PLCH1: variants seen among roughly 807,000 people sequenced by gnomAD.
PLCH1 encodes the protein 1-phosphatidylinositol 4,5-bisphosphate phosphodiesterase eta-1.
In PLCH1, 60 loss-of-function variants were observed where a neutral mutation model predicts 126.7. That is an observed-to-expected ratio of 0.47 (90% CI 0.38 to 0.59). The LOEUF (loss-of-function observed/expected upper bound fraction) is 0.59, where lower values mean the gene tolerates loss of function less well. PLCH1 is among the 20% of genes least tolerant of loss of function. PLCH1 has a pLI of 0.00. For missense variants in PLCH1, 1,723 were observed against 2,040.0 expected, an observed-to-expected ratio of 0.84 and a Z score of 2.99; for synonymous variants, 719 against 734.9, an observed-to-expected ratio of 0.98 and a Z score of 0.35.
rs569220694 is a variant in PLCH1 at position 155,641,780 on chromosome 3, T to G, written c.80-45402A>C. On this transcript the variant is annotated intron_variant, in intron 2 of 22. Coordinates refer to ENST00000460012, the MANE Select transcript of PLCH1 (RefSeq NM_014996.4). ...TTTTAAACTTTTTAAAATCTCAAGT[T>G]TAGGGCACCTGGATCCTATCAATTG... Among the ~76,000 whole-genome samples, 4 of 152,142 alleles carry G rather than the reference T, an allele frequency of 2.6e-5. No homozygotes were observed. In the East Asian group the frequency reaches 7.7e-4, roughly 29 times the overall value.
At chr3:155,689,541 G>A (rs1745211183) in intron 2 of PLCH1, among the ~76,000 whole-genome samples, 1 of 152,044 alleles carries the variant, frequency 6.6e-6, no homozygotes, top group Non-Finnish European at 1.5e-5. Flanking sequence ...AGATAACACA[G>A]AGAAGGAACT....
intron 1 of PLCH1, among the ~76,000 whole-genome samples, chr3:155,720,718 T>C (rs562019041): frequency 7.9e-5 from 12 of 152,218 alleles, no homozygotes; most frequent in Non-Finnish European, 1.8e-4. Context: ...AGAAGCTTTT[T>C]AGTTTAATTA....
intron 2 of PLCH1, among the ~76,000 whole-genome samples, chr3:155,684,304 G>A (rs886836923): frequency 3.9e-5 from 6 of 152,162 alleles, no homozygotes; most frequent in African/African-American, 1.2e-4. Context: ...GATGATTCTA[G>A]ATTATTGAAC....
Position 155,580,606 on chromosome 3 carries a change from C to T in PLCH1, c.771+2866G>A, listed in dbSNP as rs190322525. 1.5e-3 allele frequency among the ~76,000 whole-genome samples: 225 copies of T among 152,156 alleles called. 4 individuals are homozygous for T. Among genetic ancestry groups the T allele is most frequent in the Admixed American group, 0.012 (183 of 15,292 alleles). On this transcript the variant is annotated intron_variant, in intron 6 of 22. Transcript: ENST00000460012. ...AGAATTGACTCTCAAATGAAAATCACTTCACAAATTCAATTTAATTCAAAT... is the reference window on the plus strand; with the variant it reads ...AGAATTGACTCTCAAATGAAAATCATTTCACAAATTCAATTTAATTCAAAT...
chr3:155,693,236 C>T (rs1228910113), intron 2 of PLCH1, among the ~76,000 whole-genome samples: 2 of 31,312 alleles, frequency 6.4e-5, no homozygotes, highest in Non-Finnish European at 9.4e-5. Flanking sequence ...GAGGCCGAGG[C>T]GGGTGGATCA....
rs186058162 is a variant in PLCH1 at position 155,600,018 on chromosome 3, C to T, written c.80-3640G>A. Reference sequence around the variant, plus strand: ...GCTTCTTAAATTGTTTATGTAGCTGCTTTATGCTTTCTACCTGATTGCTCC... The same window carrying T: ...GCTTCTTAAATTGTTTATGTAGCTGTTTTATGCTTTCTACCTGATTGCTCC... On this transcript the variant is annotated intron_variant, in intron 2 of 22. Transcript: ENST00000460012. Among the ~76,000 whole-genome samples, 12 of 152,276 alleles carry T rather than the reference C, an allele frequency of 7.9e-5. No homozygotes were observed. The East Asian group carries it at 2.3e-3, about 29-fold the overall frequency.
At chr3:155,493,237 A>C (rs1716523414) in intron 17 of PLCH1, among the ~76,000 whole-genome samples, 2 of 152,244 alleles carry the variant, frequency 1.3e-5, no homozygotes, top group Non-Finnish European at 2.9e-5. Context: ...CAGAGCAAGA[A>C]AATGTGCAAA....
downstream of PLCH1, among the ~76,000 whole-genome samples, chr3:155,477,238 AC>A: frequency 6.6e-6 from 1 of 152,310 alleles, no homozygotes; most frequent in Non-Finnish European, 1.5e-5. Context: ...CTCGCCATAT[AC>A]AAAAATCAAA....
At chr3:155,738,702 G>C (rs1438432176) in intron 1 of PLCH1, among the ~76,000 whole-genome samples, 1 of 151,330 alleles carries the variant, frequency 6.6e-6, no homozygotes, top group African/African-American at 2.4e-5. Flanking sequence ...CAGGAGAATC[G>C]CTTGAAACCG....
intron 1 of PLCH1, 93 bp downstream of exon 1, chr3:155,744,747 C>CTGCT (rs1398302474): frequency 1.3e-5 from 2 of 152,740 alleles, no homozygotes; most frequent in Non-Finnish European, 2.9e-5. Context: ...CTTGGGCCAC[C>CTGCT]TGCTCACTCG....
At chr3:155,596,436 C>T in intron 2 of PLCH1, 58 bp from the exon 3 acceptor site, 1 of 1,462,938 alleles carries the variant, frequency 6.8e-7, no homozygotes, top group East Asian at 2.4e-5. Context: ...ATACTGGTGT[C>T]CAGGTTTTAG....
chr3:155,741,269 C>A (rs1188621797), intron 1 of PLCH1, among the ~76,000 whole-genome samples: 1 of 152,130 alleles, frequency 6.6e-6, no homozygotes, highest in African/African-American at 2.4e-5. Flanking sequence ...CTGGAATAAG[C>A]CCCTGCTAGT....
intron 6 of PLCH1, among the ~76,000 whole-genome samples, chr3:155,580,087 C>A (rs1730465946): frequency 6.6e-6 from 1 of 152,042 alleles, no homozygotes; most frequent in Non-Finnish European, 1.5e-5. Context: ...TTAATCAAAC[C>A]AACATTAACT....
At chr3:155,673,119 TTA>T (rs2108990914) in intron 2 of PLCH1, among the ~76,000 whole-genome samples, 1 of 149,880 alleles carries the variant, frequency 6.7e-6, no homozygotes, top group East Asian at 2.0e-4. Flanking sequence ...CAGGTCTTTA[TTA>T]TAACACCTGG....
intron 10 of PLCH1, among the ~76,000 whole-genome samples, chr3:155,526,291 G>A (rs1721881873): frequency 6.6e-6 from 1 of 152,008 alleles, no homozygotes; most frequent in Non-Finnish European, 1.5e-5. Context: ...AGTGATGGGA[G>A]GTTACTTATC....
At chr3:155,486,522 T>G (rs986664892) in intron 21 of PLCH1, among the ~76,000 whole-genome samples, 14 of 145,730 alleles carry the variant, frequency 9.6e-5, no homozygotes, top group East Asian at 2.0e-4. Context: ...TGTTTTTTTT[T>G]TTTTTTTTTT....
At chr3:155,719,953 G>T (rs1231338801) in intron 1 of PLCH1, among the ~76,000 whole-genome samples, 1 of 151,928 alleles carries the variant, frequency 6.6e-6, no homozygotes, top group Non-Finnish European at 1.5e-5. Flanking sequence ...GCGCCACCAT[G>T]CCCGGCTAAT....
intron 1 of PLCH1, among the ~76,000 whole-genome samples, chr3:155,729,199 GTCT>G (rs754450586): frequency 6.6e-6 from 1 of 152,204 alleles, no homozygotes; most frequent in South Asian, 2.1e-4. Context: ...CCTCTCTTCT[GTCT>G]TCTTCTCCAT....
At chr3:155,533,677 G>A (rs970266193) in intron 10 of PLCH1, among the ~76,000 whole-genome samples, 1 of 152,240 alleles carries the variant, frequency 6.6e-6, no homozygotes, top group Non-Finnish European at 1.5e-5. Context: ...TACAGGACAT[G>A]TCAGTAACCT....
Sources: allele counts gnomAD v4.1 joint callset (sites outside exome capture counted in the v4.1 genomes callset), GRCh38; gene constraint gnomAD v4.1.1; transcripts MANE v1.5; gene names NCBI Gene and HGNC (gene_info 2026-07-23, HGNC 2026-07-21).